Variants in STRN observed in about 807,000 individuals in gnomAD.
STRN encodes the protein striatin.
Under a neutral mutation model 96.3 loss-of-function variants are expected in STRN, and 53 were observed. That is an observed-to-expected ratio of 0.55 (90% CI 0.44 to 0.69). The LOEUF (loss-of-function observed/expected upper bound fraction) is 0.69, where lower values mean the gene tolerates loss of function less well. Ranked by LOEUF, STRN falls within the 30% of genes least tolerant of loss-of-function variation. STRN has a pLI of 0.00. For synonymous variants in STRN, 428 were observed against 355.9 expected, an observed-to-expected ratio of 1.20 and a Z score of -2.28; for missense variants, 987 against 963.9, an observed-to-expected ratio of 1.02 and a Z score of -0.32.
At chr2:36,966,196 G>A in intron 1 of STRN, 34 bp downstream of exon 1, 1 of 1,510,856 alleles carries the variant, frequency 6.6e-7, no homozygotes, top group Admixed American at 2.1e-5. Flanking sequence ...GCAAAGAGGC[G>A]GGATGAAGAC....
chr2:36,879,477 A>G (rs532596757), intron 9 of STRN, among the ~76,000 whole-genome samples: 2 of 152,384 alleles, frequency 1.3e-5, no homozygotes, highest in South Asian at 4.1e-4. Flanking sequence ...ATTTTGTAAC[A>G]TTTTGAACAT....
intron 10 of STRN, among the ~76,000 whole-genome samples, chr2:36,876,547 G>T (rs2691104): frequency 6.6e-6 from 1 of 151,894 alleles, no homozygotes; most frequent in Non-Finnish European, 1.5e-5. Context: ...CTTCTTTACC[G>T]TACCTATGGT....
intron 2 of STRN, among the ~76,000 whole-genome samples, chr2:36,917,391 T>C (rs1670132140): frequency 6.6e-6 from 1 of 151,572 alleles, no homozygotes; most frequent in Non-Finnish European, 1.5e-5. Context: ...GGCATGGTGG[T>C]GTACCTGTAA....
chr2:36,937,053 G>C (rs1670718321), intron 1 of STRN, among the ~76,000 whole-genome samples: 1 of 152,198 alleles, frequency 6.6e-6, no homozygotes, highest in African/African-American at 2.4e-5. Context: ...CAGTTAAAAA[G>C]AAAAAGAGGG....
chr2:36,849,048 G>A lies in STRN; in HGVS notation c.*408C>T, dbSNP rs1668152173. ...ATGTGTTTTAACAAGATTTCTCAGGGGAGAACTTGGTCTAAGTTTCCCGTT... is the reference window on the plus strand; with the variant it reads ...ATGTGTTTTAACAAGATTTCTCAGGAGAGAACTTGGTCTAAGTTTCCCGTT... On this transcript the variant is annotated 3_prime_UTR_variant, in exon 18 of 18. Coordinates refer to ENST00000263918, the MANE Select transcript of STRN (RefSeq NM_003162.4). 6.0e-6 allele frequency: 1 copy of A among 166,856 alleles called. No individual in the cohort carries two copies. Among genetic ancestry groups the A allele is most frequent in the Admixed American group, 5.7e-5 (1 of 17,620 alleles). The allele number at this position is 166,856 out of a possible 1,614,324, so 10.3% of individuals were successfully genotyped here.
intron 1 of STRN, among the ~76,000 whole-genome samples, chr2:36,950,005 G>C (rs889554393): frequency 3.9e-5 from 6 of 152,168 alleles, no homozygotes; most frequent in Admixed American, 6.5e-5. Context: ...ACTGAGAAAT[G>C]AGTAACCAAA....
intron 1 of STRN, among the ~76,000 whole-genome samples, chr2:36,931,657 T>C (rs555953044): frequency 2.0e-5 from 3 of 152,160 alleles, no homozygotes; most frequent in Admixed American, 1.3e-4. Flanking sequence ...GCCTAAGACA[T>C]ATGTGTACCA....
intron 1 of STRN, among the ~76,000 whole-genome samples, chr2:36,947,454 A>G (rs1207950224): frequency 6.6e-6 from 1 of 151,544 alleles, no homozygotes; most frequent in Non-Finnish European, 1.5e-5. Flanking sequence ...TCATTTAACC[A>G]CTAAGTATAT....
At chr2:36,905,469 A>T in intron 4 of STRN, 71 bp downstream of exon 4, 1 of 1,334,714 alleles carries the variant, frequency 7.5e-7, no homozygotes. Flanking sequence ...TTGAAAATAC[A>T]CAGTAAAAAT....
At chr2:36,930,294 TG>T (rs1470294978) in intron 1 of STRN, among the ~76,000 whole-genome samples, 1 of 152,052 alleles carries the variant, frequency 6.6e-6, no homozygotes, top group Non-Finnish European at 1.5e-5. Context: ...TAGCCAGGCA[TG>T]GTGGCGTGTG....
rs1244627273 is a variant in STRN at position 36,902,848 on chromosome 2, A to G, written c.492-97T>C. 3 of 1,050,178 alleles carry G rather than the reference A, an allele frequency of 2.9e-6. No homozygotes were observed. The African/African-American group carries it at 4.9e-5, about 17-fold the overall frequency. 65.1% of individuals were successfully genotyped at this position (1,050,178 alleles called of 1,614,324 possible). ...GTATTTATTTAAACTCATTGCCTGC[A>G]TAAGACTTAACAGTACAGTACTATG... is the stretch of plus-strand genomic sequence containing the variant. On this transcript the variant is annotated intron_variant, in intron 4 of 17. Coordinates refer to ENST00000263918, the MANE Select transcript of STRN (RefSeq NM_003162.4).
intron 2 of STRN, among the ~76,000 whole-genome samples, chr2:36,923,136 G>A (rs559949095): frequency 1.4e-4 from 20 of 138,042 alleles, no homozygotes; most frequent in Admixed American, 4.4e-4. Context: ...GCAAAACTCC[G>A]TCTGAAAAAA....
At chr2:36,917,463 T>C (rs1273739283) in intron 2 of STRN, among the ~76,000 whole-genome samples, 2 of 144,590 alleles carry the variant, frequency 1.4e-5, no homozygotes, top group Admixed American at 1.4e-4. Flanking sequence ...GAGGTTGCAG[T>C]GAGTGAGCCA....
intron 2 of STRN, among the ~76,000 whole-genome samples, chr2:36,922,406 C>A (rs1670284935): frequency 6.6e-6 from 1 of 151,744 alleles, no homozygotes; most frequent in African/African-American, 2.4e-5. Flanking sequence ...GTATTCCCAG[C>A]CACTTGGGAG....
chr2:36,896,913 A>G (rs1433724301), intron 6 of STRN, among the ~76,000 whole-genome samples: 2 of 152,180 alleles, frequency 1.3e-5, no homozygotes, highest in African/African-American at 4.8e-5. Flanking sequence ...CACACCTGTA[A>G]TCCCTGCACT....
chr2:36,851,340 G>A (rs750426056), intron 15 of STRN, among the ~76,000 whole-genome samples: 9 of 151,984 alleles, frequency 5.9e-5, no homozygotes, highest in Non-Finnish European at 1.3e-4. Context: ...AAAATTAGCC[G>A]AGTGTGGTGG....
chr2:36,841,713 T>C lies in STRN; in HGVS notation c.*7743A>G, dbSNP rs1667955963. 1 of 152,220 alleles carries C rather than the reference T, an allele frequency of 6.6e-6. No individual in the cohort carries two copies. Among genetic ancestry groups the C allele is most frequent in the Admixed American group, 6.5e-5 (1 of 15,280 alleles). 9.4% of individuals were successfully genotyped at this position (152,220 alleles called of 1,614,324 possible). On this transcript the variant is annotated 3_prime_UTR_variant, in exon 18 of 18. Coordinates refer to ENST00000263918, the MANE Select transcript of STRN (RefSeq NM_003162.4). ...ATGACACAAAATACTTGGGCTTATA[T>C]TTTTACAGCTTCCTAAAATATAATG...
At chr2:36,872,943 C>T (rs1018873833) in intron 10 of STRN, among the ~76,000 whole-genome samples, 1 of 152,232 alleles carries the variant, frequency 6.6e-6, no homozygotes, top group Non-Finnish European at 1.5e-5. Flanking sequence ...AATATTTCGG[C>T]TGTTTTCCCC....
chr2:36,957,270 A>C (rs1664910617), intron 1 of STRN, among the ~76,000 whole-genome samples: 1 of 152,180 alleles, frequency 6.6e-6, no homozygotes, highest in African/African-American at 2.4e-5. Flanking sequence ...GGGTGGCCCA[A>C]ACATCTTAAG....
Sources: allele counts gnomAD v4.1 joint callset (sites outside exome capture counted in the v4.1 genomes callset), GRCh38; gene constraint gnomAD v4.1.1; transcripts MANE v1.5; gene names NCBI Gene and HGNC (gene_info 2026-07-23, HGNC 2026-07-21).